CSTPP1: variants seen among roughly 807,000 people sequenced by gnomAD.
CSTPP1 encodes centriolar satellite-associated tubulin polyglutamylase complex regulator 1.
chr11:47,099,769 T>C, the CSTPP1 span, among the ~76,000 whole-genome samples: 19 of 152,192 alleles, frequency 1.2e-4, no homozygotes, highest in African/African-American at 4.6e-4. Flanking sequence ...AAGATTAGCC[T>C]TTTCCTGTAT....
At chr11:46,980,740 A>G in the CSTPP1 span, among the ~76,000 whole-genome samples, 1 of 152,220 alleles carries the variant, frequency 6.6e-6, no homozygotes, top group Non-Finnish European at 1.5e-5. Flanking sequence ...TGACATGTAT[A>G]GAATTATCTA....
the CSTPP1 span, among the ~76,000 whole-genome samples, chr11:47,102,030 C>T: frequency 6.6e-6 from 1 of 152,084 alleles, no homozygotes; most frequent in South Asian, 2.1e-4. Context: ...TTGAGAGATA[C>T]TTAATGAAAT....
the CSTPP1 span, among the ~76,000 whole-genome samples, chr11:47,006,953 A>G: frequency 7.4e-6 from 1 of 135,286 alleles, no homozygotes. Flanking sequence ...TTTTCATAGT[A>G]TTCTCTGTCT....
At chr11:47,141,312 T>C in the CSTPP1 span, among the ~76,000 whole-genome samples, 10 of 152,232 alleles carry the variant, frequency 6.6e-5, no homozygotes, top group African/African-American at 2.4e-4. Context: ...TTTCTGGCTC[T>C]GTAGATTTAT....
the CSTPP1 span, chr11:47,160,849 C>A: frequency 2.1e-6 from 1 of 482,822 alleles, no homozygotes; most frequent in Non-Finnish European, 3.8e-6. Flanking sequence ...AGGTCACAAC[C>A]ACCACCTGGT....
the CSTPP1 span, among the ~76,000 whole-genome samples, chr11:47,122,825 G>A: frequency 5.3e-5 from 8 of 152,008 alleles, no homozygotes; most frequent in East Asian, 7.7e-4. Flanking sequence ...GTGATCCACC[G>A]GCCTCGGCCT....
chr11:47,003,309 A>G, the CSTPP1 span, among the ~76,000 whole-genome samples: 2 of 152,326 alleles, frequency 1.3e-5, no homozygotes, highest in Admixed American at 1.3e-4. Flanking sequence ...GAATGACACA[A>G]TTTGGCACCT....
chr11:47,074,862 A>G, the CSTPP1 span, among the ~76,000 whole-genome samples: 1 of 152,204 alleles, frequency 6.6e-6, no homozygotes, highest in African/African-American at 2.4e-5. Flanking sequence ...TCCCTCATTC[A>G]TCGATTCGTT....
At chr11:46,996,620 G>C in the CSTPP1 span, among the ~76,000 whole-genome samples, 252 of 152,296 alleles carry the variant, frequency 1.7e-3, 4 homozygotes, top group Non-Finnish European at 1.1e-3. Context: ...GATGTTAGCT[G>C]ATTATTTTGC....
chr11:47,155,560 G>A, the CSTPP1 span: 4 of 459,922 alleles, frequency 8.7e-6, no homozygotes, highest in Non-Finnish European at 1.2e-5. Flanking sequence ...AGCATCCACA[G>A]CATTCACTGC....
At chr11:47,159,458 C>T in the CSTPP1 span, among the ~76,000 whole-genome samples, 2 of 151,678 alleles carry the variant, frequency 1.3e-5, no homozygotes, top group African/African-American at 4.8e-5. Flanking sequence ...TGCGGTGAGC[C>T]GAGATCACGC....
the CSTPP1 span, among the ~76,000 whole-genome samples, chr11:46,995,848 C>T: frequency 3.9e-5 from 6 of 152,194 alleles, no homozygotes; most frequent in Non-Finnish European, 5.9e-5. Context: ...CTTTCTGTCT[C>T]GTTGATCTGT....
chr11:47,022,522 A>G, the CSTPP1 span, among the ~76,000 whole-genome samples: 52 of 151,654 alleles, frequency 3.4e-4, no homozygotes, highest in Non-Finnish European at 1.2e-4. Context: ...GGCGTGCGCC[A>G]CCACACCTGG....
At chr11:47,083,054 G>A in the CSTPP1 span, among the ~76,000 whole-genome samples, 7 of 150,170 alleles carry the variant, frequency 4.7e-5, no homozygotes, top group Non-Finnish European at 8.9e-5. Context: ...CCCCCAACAG[G>A]CCCCAGTATG....
the CSTPP1 span, among the ~76,000 whole-genome samples, chr11:46,981,633 A>ATTTT: frequency 1.1e-4 from 16 of 152,130 alleles, no homozygotes; most frequent in East Asian, 2.9e-3. Flanking sequence ...TTTTGCTTTC[A>ATTTT]TTTTTGGTTT....
chr11:47,100,939 G>A, the CSTPP1 span, among the ~76,000 whole-genome samples: 1 of 151,668 alleles, frequency 6.6e-6, no homozygotes, highest in Non-Finnish European at 1.5e-5. Flanking sequence ...GACAGCATGA[G>A]ATAACAAGTT....
At chr11:46,976,001 G>C in the CSTPP1 span, among the ~76,000 whole-genome samples, 1 of 152,128 alleles carries the variant, frequency 6.6e-6, no homozygotes, top group Admixed American at 6.5e-5. Flanking sequence ...TCAGGTCAGG[G>C]GGCTTAATGG....
chr11:47,083,042 AC>A, the CSTPP1 span, among the ~76,000 whole-genome samples: 5 of 124,430 alleles, frequency 4.0e-5, no homozygotes, highest in Admixed American at 1.7e-4. Flanking sequence ...CCCCGACCTC[AC>A]CCCCCAACAG....
chr11:47,138,655 C>A, the CSTPP1 span, among the ~76,000 whole-genome samples: 1 of 152,156 alleles, frequency 6.6e-6, no homozygotes, highest in African/African-American at 2.4e-5. Flanking sequence ...TTGGACTATG[C>A]CTCAGTTAAC....
Sources: gnomAD v4.1 joint callset for allele counts (sites outside exome capture counted in the v4.1 genomes callset) on GRCh38, gnomAD v4.1.1 for gene constraint, MANE v1.5 for transcripts, NCBI Gene and HGNC (gene_info 2026-07-23, HGNC 2026-07-21) for gene names.